Variants in TFPI observed in about 807,000 individuals in gnomAD.
The protein encoded by TFPI is tissue factor pathway inhibitor.
A neutral mutation model predicts 34.6 loss-of-function variants in TFPI; 15 were observed. That is an observed-to-expected ratio of 0.43 (90% CI 0.29 to 0.67). The LOEUF is 0.67. Ranked by LOEUF, TFPI falls within the 30% of genes least tolerant of loss-of-function variation. TFPI has a pLI of 0.15. For synonymous variants in TFPI, 105 were observed against 120.1 expected, an observed-to-expected ratio of 0.87 and a Z score of 0.82; for missense variants, 301 against 364.0, an observed-to-expected ratio of 0.83 and a Z score of 1.41.
In TFPI at chr2:187,467,033, T is replaced by C; in HGVS notation, c.818A>G (p.Gln273Arg). The change falls in exon 8 of 8, where the codon CAA becomes CGA. Residue 273 changes from glutamine (Q) to arginine (R), a missense_variant. Physicochemically the swap from Gln to Arg is conservative, Grantham distance 43 (BLOSUM62 1). Coordinates refer to ENST00000233156, the MANE Select transcript of TFPI (RefSeq NM_006287.6). Reference protein sequence around the residue: ...CLRACKKGFIQRISKGGLIKT... With the variant: ...CLRACKKGFIRRISKGGLIKT... Reference sequence around the variant, plus strand: ...AATTAGGCCTCCTTTTGATATTCTTTGGATGAAACCTATAAGAGGAAGAGG... The same window carrying C: ...AATTAGGCCTCCTTTTGATATTCTTCGGATGAAACCTATAAGAGGAAGAGG... The C allele has an allele frequency of 6.4e-7, 1 of 1,570,086 alleles. No individual in the cohort carries two copies. Among genetic ancestry groups the C allele is most frequent in the Middle Eastern group, 1.7e-4 (1 of 5,904 alleles).
intron 1 of TFPI, among the ~76,000 whole-genome samples, chr2:187,527,508 C>A (rs1687739947): frequency 6.6e-6 from 1 of 152,126 alleles, no homozygotes; most frequent in Non-Finnish European, 1.5e-5. Context: ...TTGCCACGTA[C>A]CAAATTCTAA....
intron 1 of TFPI, among the ~76,000 whole-genome samples, chr2:187,549,662 T>G (rs1454818492): frequency 1.3e-5 from 2 of 152,158 alleles, no homozygotes; most frequent in Admixed American, 6.6e-5. Flanking sequence ...TAAACACTTA[T>G]GTACTCATAT....
chr2:187,469,354 A>G (rs1398895953), intron 6 of TFPI, among the ~76,000 whole-genome samples: 1 of 152,144 alleles, frequency 6.6e-6, no homozygotes, highest in Non-Finnish European at 1.5e-5. Context: ...GACTAGGTAT[A>G]TATGCAGTGA....
At chr2:187,472,769 T>G (rs1261811381) in intron 6 of TFPI, among the ~76,000 whole-genome samples, 3 of 152,096 alleles carry the variant, frequency 2.0e-5, no homozygotes, top group African/African-American at 4.8e-5. Flanking sequence ...CCCAGCACTT[T>G]GGGAGGCCGA....
chr2:187,474,499 G>A (rs8176624), intron 6 of TFPI, among the ~76,000 whole-genome samples: 2,661 of 152,222 alleles, frequency 0.017, 45 homozygotes, highest in Non-Finnish European at 0.026. Context: ...AGACATTAAA[G>A]AGCCACTGAA....
In TFPI at chr2:187,529,779, A is replaced by C. The variant is rs1687865018; in HGVS notation, c.-3+24421T>G. Among the ~76,000 whole-genome samples, 3 of 152,318 alleles carry C rather than the reference A, an allele frequency of 2.0e-5. No homozygotes were observed. The South Asian group carries it at 6.2e-4, about 32-fold the overall frequency. ...ATCAGTAGGCTGGAGCTGAAGATACATCAGCCCTAGAGTGCACTTTCTAAT... is the reference window on the plus strand; with the variant it reads ...ATCAGTAGGCTGGAGCTGAAGATACCTCAGCCCTAGAGTGCACTTTCTAAT... On this transcript the variant is annotated intron_variant, in intron 1 of 7. Coordinates refer to ENST00000233156, the MANE Select transcript of TFPI (RefSeq NM_006287.6).
At chr2:187,506,257 G>A (rs1277052410) in intron 1 of TFPI, among the ~76,000 whole-genome samples, 1 of 151,884 alleles carries the variant, frequency 6.6e-6, no homozygotes, top group East Asian at 1.9e-4. Flanking sequence ...AGAATTTGCT[G>A]TAAACATCTG....
intron 1 of TFPI, among the ~76,000 whole-genome samples, chr2:187,540,601 A>G (rs1275451799): frequency 6.6e-6 from 1 of 152,192 alleles, no homozygotes; most frequent in Non-Finnish European, 1.5e-5. Context: ...AAAGAAAATA[A>G]TAAACCAGCC....
intron 1 of TFPI, among the ~76,000 whole-genome samples, chr2:187,525,954 C>T (rs1687655954): frequency 6.6e-6 from 1 of 152,112 alleles, no homozygotes; most frequent in East Asian, 1.9e-4. Flanking sequence ...ACTATATTTA[C>T]TTCCTATTTG....
chr2:187,532,708 C>A (rs756423251), intron 1 of TFPI, among the ~76,000 whole-genome samples: 2 of 151,936 alleles, frequency 1.3e-5, no homozygotes, highest in Non-Finnish European at 2.9e-5. Flanking sequence ...ACCCCAGTGG[C>A]GTCTGGAATG....
intron 1 of TFPI, among the ~76,000 whole-genome samples, chr2:187,533,966 A>G (rs1427301683): frequency 6.6e-6 from 1 of 152,240 alleles, no homozygotes; most frequent in African/African-American, 2.4e-5. Context: ...AAAGGATATC[A>G]GAGATTGAAG....
intron 2 of TFPI, among the ~76,000 whole-genome samples, chr2:187,502,009 A>G (rs1336605700): frequency 6.6e-6 from 1 of 152,188 alleles, no homozygotes; most frequent in African/African-American, 2.4e-5. Context: ...TGATCTTAGC[A>G]TCATGTGATA....
At chr2:187,468,027 T>C (rs1691810924) in intron 6 of TFPI, 95 bp from the exon 7 acceptor site, 1 of 1,074,940 alleles carries the variant, frequency 9.3e-7, no homozygotes, top group Non-Finnish European at 1.3e-6. Context: ...TTGTTGCATG[T>C]GTATGTAAAA....
chr2:187,493,625 T>G (rs1685268775), intron 3 of TFPI, among the ~76,000 whole-genome samples: 1 of 152,204 alleles, frequency 6.6e-6, no homozygotes. Flanking sequence ...TGAAACTGAA[T>G]GCCTTTAACA....
At chr2:187,519,078 T>C (rs1351434857) in intron 1 of TFPI, 1 of 152,138 alleles carries the variant, frequency 6.6e-6, no homozygotes, top group African/African-American at 2.4e-5. Context: ...CTTCCTTGCA[T>C]TGGGTTAGAA....
At chr2:187,509,367 G>A (rs1216468626) in intron 1 of TFPI, among the ~76,000 whole-genome samples, 1 of 152,172 alleles carries the variant, frequency 6.6e-6, no homozygotes, top group Non-Finnish European at 1.5e-5. Context: ...AGTTTCAGAA[G>A]GAATGGTACC....
At chr2:187,480,974 A>G (rs545869698) in intron 6 of TFPI, among the ~76,000 whole-genome samples, 6 of 152,246 alleles carry the variant, frequency 3.9e-5, no homozygotes, top group Non-Finnish European at 5.9e-5. Context: ...TTAAAAATAA[A>G]TAGCAATTTT....
At chr2:187,470,666 G>A (rs1559094943) in intron 6 of TFPI, among the ~76,000 whole-genome samples, 1 of 152,182 alleles carries the variant, frequency 6.6e-6, no homozygotes. Context: ...TCAGAAGCCA[G>A]AGGAGAAAGT....
intron 1 of TFPI, among the ~76,000 whole-genome samples, chr2:187,542,465 A>C (rs1688632829): frequency 6.6e-6 from 1 of 152,148 alleles, no homozygotes; most frequent in Non-Finnish European, 1.5e-5. Context: ...GTGTACAAGA[A>C]AGAGATTGAG....
Sources: allele counts gnomAD v4.1 joint callset (sites outside exome capture counted in the v4.1 genomes callset), GRCh38; gene constraint gnomAD v4.1.1; transcripts MANE v1.5; gene names NCBI Gene and HGNC (gene_info 2026-07-23, HGNC 2026-07-21).